Variants in NLGN1 observed in about 807,000 individuals in gnomAD.
NLGN1 encodes the protein neuroligin-1.
A neutral mutation model predicts 65.5 loss-of-function variants in NLGN1; 12 were observed. The ratio of observed to expected loss-of-function variants is 0.18; its 90% CI spans 0.12 to 0.30. NLGN1 has a LOEUF of 0.30. Ranked by LOEUF, NLGN1 falls within the 10% of genes least tolerant of loss-of-function variation. NLGN1 has a pLI of 1.00. For missense variants in NLGN1, 750 were observed against 1,007.1 expected, an observed-to-expected ratio of 0.74 and a Z score of 3.46; for synonymous variants, 350 against 359.5, an observed-to-expected ratio of 0.97 and a Z score of 0.30.
At position 173,848,199 on chromosome 3, in the gene NLGN1, C is replaced by T. The variant is rs12490707; in HGVS notation, c.646+40367C>T. On this transcript the variant is annotated intron_variant, in intron 4 of 6. Coordinates refer to ENST00000457714, the Ensembl canonical transcript of NLGN1. ...ATGTAGTATGACAATTTAGTTAGCT[C>T]ACAAGGGTAAAGACCCTAGAGGAAT... Among the ~76,000 whole-genome samples, 1,097 of 152,244 alleles carry T rather than the reference C, an allele frequency of 7.2e-3. 4 individuals carry two copies. Among genetic ancestry groups the T allele is most frequent in the Middle Eastern group, 0.01 (3 of 294 alleles).
chr3:173,606,906 CTTTAA>C (rs1180850995), intron 3 of NLGN1, among the ~76,000 whole-genome samples: 1 of 151,784 alleles, frequency 6.6e-6, no homozygotes, highest in East Asian at 1.9e-4. Context: ...ATTTACATAC[CTTTAA>C]TTAATGTACA....
intron 2 of NLGN1, among the ~76,000 whole-genome samples, chr3:173,494,802 T>C (rs1054448442): frequency 5.3e-5 from 8 of 151,782 alleles, no homozygotes; most frequent in Non-Finnish European, 8.8e-5. Context: ...TATTTGATCA[T>C]TTTTTTATAT....
intron 2 of NLGN1, among the ~76,000 whole-genome samples, chr3:173,511,985 C>G (rs200335264): frequency 6.6e-6 from 1 of 152,160 alleles, no homozygotes. Context: ...CAAGCCCACC[C>G]ACTCAACCCC....
At chr3:174,015,364 G>A (rs1280986633) in intron 4 of NLGN1, among the ~76,000 whole-genome samples, 2 of 152,106 alleles carry the variant, frequency 1.3e-5, no homozygotes, top group African/African-American at 4.8e-5. Flanking sequence ...TTCTGGTGAG[G>A]CCTCTCTTTC....
chr3:173,959,535 A>C (rs780688997), intron 4 of NLGN1, among the ~76,000 whole-genome samples: 2 of 152,204 alleles, frequency 1.3e-5, no homozygotes, highest in Non-Finnish European at 2.9e-5. Context: ...AGAGAACCAT[A>C]TAGTTTTTTC....
intron 2 of NLGN1, among the ~76,000 whole-genome samples, chr3:173,444,536 T>G (rs1197640711): frequency 6.6e-6 from 1 of 152,190 alleles, no homozygotes; most frequent in Non-Finnish European, 1.5e-5. Context: ...AATACAAATG[T>G]GTGGATTTTG....
intron 4 of NLGN1, among the ~76,000 whole-genome samples, chr3:174,256,831 G>A (rs1051848207): frequency 4.6e-5 from 7 of 151,980 alleles, no homozygotes; most frequent in African/African-American, 1.7e-4. Context: ...TAGGTAATAC[G>A]ATTCAGGACA....
intron 5 of NLGN1, among the ~76,000 whole-genome samples, chr3:174,275,817 A>G (rs1399811924): frequency 3.3e-5 from 5 of 151,938 alleles, no homozygotes; most frequent in Non-Finnish European, 5.9e-5. Context: ...AAAATCAGAC[A>G]AAGACGTTCT....
chr3:173,624,704 G>C (rs892938317), intron 3 of NLGN1, among the ~76,000 whole-genome samples: 3 of 152,084 alleles, frequency 2.0e-5, no homozygotes, highest in African/African-American at 7.2e-5. Flanking sequence ...CATGCAGTAA[G>C]AATGAGCAGA....
Position 174,177,291 on chromosome 3 carries a change from T to C in NLGN1, c.647-98024T>C, listed in dbSNP as rs188954824. Among the ~76,000 whole-genome samples the C allele has an allele frequency of 3.5e-4, 53 of 152,188 alleles. 1 individual carries two copies. The East Asian group carries it at 7.9e-3, about 23-fold the overall frequency. On this transcript the variant is annotated intron_variant, in intron 4 of 6. Transcript: ENST00000457714. ...GGTACTTTTTCTCTTCTTTCTACAT[T>C]TTTATTTTTCTCAATTTCCTATGCT...
chr3:173,788,206 CAAAAAA>C (rs537790655), intron 3 of NLGN1, among the ~76,000 whole-genome samples: 2 of 60,840 alleles, frequency 3.3e-5, no homozygotes, highest in African/African-American at 5.4e-5. Flanking sequence ...TGACATTTTG[CAAAAAA>C]AAAAAAAAAA....
intron 4 of NLGN1, among the ~76,000 whole-genome samples, chr3:173,986,177 G>A (rs564668562): frequency 2.4e-4 from 36 of 151,844 alleles, no homozygotes; most frequent in African/African-American, 8.4e-4. Flanking sequence ...TATAAAAAAG[G>A]GGAAATTTGG....
chr3:173,678,328 A>G (rs1763457465), intron 3 of NLGN1, among the ~76,000 whole-genome samples: 1 of 152,112 alleles, frequency 6.6e-6, no homozygotes, highest in Non-Finnish European at 1.5e-5. Context: ...GCTACGTTAG[A>G]AATAATTACT....
intron 2 of NLGN1, among the ~76,000 whole-genome samples, chr3:173,451,628 C>CT (rs1483359343): frequency 2.0e-5 from 3 of 152,134 alleles, no homozygotes; most frequent in African/African-American, 7.2e-5. Context: ...TTATTGCCGT[C>CT]TTTTGTTTGT....
chr3:173,697,622 G>C (rs1235440107), intron 3 of NLGN1, among the ~76,000 whole-genome samples: 1 of 152,028 alleles, frequency 6.6e-6, no homozygotes, highest in Admixed American at 6.5e-5. Flanking sequence ...CTGCCTCCCG[G>C]GTTCAAGTGA....
intron 3 of NLGN1, among the ~76,000 whole-genome samples, chr3:173,779,353 A>G (rs956275389): frequency 5.3e-5 from 8 of 151,994 alleles, no homozygotes; most frequent in African/African-American, 1.4e-4. Context: ...TTGAATATCA[A>G]TTATTTTTAT....
intron 4 of NLGN1, among the ~76,000 whole-genome samples, chr3:174,191,000 T>C (rs2152759982): frequency 6.6e-6 from 1 of 152,082 alleles, no homozygotes; most frequent in East Asian, 1.9e-4. Context: ...CAGTAGTGTG[T>C]GCGTGTGTGT....
chr3:173,448,534 G>T (rs1227086564), intron 2 of NLGN1, among the ~76,000 whole-genome samples: 4 of 152,216 alleles, frequency 2.6e-5, no homozygotes, highest in South Asian at 4.2e-4. Flanking sequence ...TTTTTTGGTT[G>T]TGTCTCTGCC....
At chr3:174,252,339 A>C (rs1343356446) in intron 4 of NLGN1, among the ~76,000 whole-genome samples, 1 of 152,156 alleles carries the variant, frequency 6.6e-6, no homozygotes, top group African/African-American at 2.4e-5. Context: ...AAACACCATT[A>C]CATAAAAATA....
Sources: gnomAD v4.1 joint callset for allele counts (sites outside exome capture counted in the v4.1 genomes callset) on GRCh38, gnomAD v4.1.1 for gene constraint, MANE v1.5 for transcripts, NCBI Gene and HGNC (gene_info 2026-07-23, HGNC 2026-07-21) for gene names.